BPNT1: variants seen among roughly 807,000 people sequenced by gnomAD.
BPNT1 encodes 3'(2'), 5'-bisphosphate nucleotidase 1, also known as 3'(2'),5'-bisphosphate nucleotidase 1.
Under a neutral mutation model 36.9 loss-of-function variants are expected in BPNT1, and 28 were observed. The ratio of observed to expected loss-of-function variants is 0.76; its 90% CI spans 0.56 to 1.04. BPNT1 has a LOEUF of 1.04. BPNT1 is among the 50% of genes least tolerant of loss of function. The pLI is 0.00. For synonymous variants in BPNT1, 119 were observed against 130.9 expected (o/e 0.91, Z 0.62); for missense variants, 313 against 372.9 (o/e 0.84, Z 1.32).
chr1:220,062,516 G>A (rs1190347226), intron 7 of BPNT1, among the ~76,000 whole-genome samples: 1 of 151,862 alleles, frequency 6.6e-6, no homozygotes, highest in Admixed American at 6.6e-5. Context: ...GTGTATATGT[G>A]CCACATTTTC....
intron 5 of BPNT1, among the ~76,000 whole-genome samples, chr1:220,068,392 C>T (rs1254681660): frequency 6.6e-6 from 1 of 151,632 alleles, no homozygotes; most frequent in African/African-American, 2.4e-5. Flanking sequence ...CCATGTTGGC[C>T]AGGCTGGTCT....
intron 1 of BPNT1, among the ~76,000 whole-genome samples, chr1:220,088,747 A>G (rs1655995838): frequency 6.7e-6 from 1 of 149,084 alleles, no homozygotes; most frequent in Non-Finnish European, 1.5e-5. Flanking sequence ...ACATAATGGC[A>G]CCACTGTACT....
At chr1:220,060,909 T>G (rs1460678381) in intron 7 of BPNT1, among the ~76,000 whole-genome samples, 1 of 152,110 alleles carries the variant, frequency 6.6e-6, no homozygotes, top group Non-Finnish European at 1.5e-5. Flanking sequence ...AGGATATAGG[T>G]GAATTTAAGT....
chr1:220,062,754 T>C lies in BPNT1; in HGVS notation c.672+3A>G. 6.2e-7 allele frequency: 1 copy of C among 1,614,112 alleles called. No homozygotes were observed. Among genetic ancestry groups the C allele is most frequent in the Non-Finnish European group, 8.5e-7 (1 of 1,179,920 alleles). On this transcript the variant is annotated splice_donor_region_variant and intron_variant, in intron 7 of 8. Coordinates refer to ENST00000322067, the MANE Select transcript of BPNT1 (RefSeq NM_006085.6). ...CAGAGCAGATGACAGACATTTTTCA[T>C]ACCTTATTTCCTGCTCCTCCTACTC...
intron 7 of BPNT1, among the ~76,000 whole-genome samples, chr1:220,062,346 A>C (rs1663123072): frequency 7.5e-6 from 1 of 132,674 alleles, no homozygotes; most frequent in African/African-American, 2.9e-5. Context: ...TCCTGTGTCC[A>C]TGTGTTCTCA....
chr1:220,059,115 A>T, intron 8 of BPNT1, 123 bp from the exon 9 acceptor site: 1 of 881,140 alleles, frequency 1.1e-6, no homozygotes, highest in Non-Finnish European at 1.7e-6. Context: ...GGATGAAATA[A>T]TGAGTGTCCA....
At chr1:220,078,413 TATAATAATAA>T (rs1664772631) in intron 2 of BPNT1, among the ~76,000 whole-genome samples, 1 of 142,478 alleles carries the variant, frequency 7.0e-6, no homozygotes, top group Non-Finnish European at 1.5e-5. Flanking sequence ...AATAATAATT[TATAATAATAA>T]ATAATAATTA....
chr1:220,074,051 C>G lies in BPNT1; in HGVS notation c.141G>C (p.Gln47His). Residue 47 changes from glutamine to histidine, a missense_variant, in exon 3 of 9, where the codon CAG becomes CAC. Physicochemically the swap from Gln to His is conservative, Grantham distance 24 (BLOSUM62 0). Transcript: ENST00000322067. ...IVEKTCATDLQTKADRLAQMS... is the reference protein window; with the variant it reads ...IVEKTCATDLHTKADRLAQMS... ...TCTGTGCCAATCGGTCAGCTTTGGT[C>G]TGCAGGTCTGTTGCACAGGTCTGTA... The G allele has an allele frequency of 6.2e-7, 1 of 1,613,892 alleles. No homozygotes were observed.
intron 2 of BPNT1, among the ~76,000 whole-genome samples, chr1:220,076,803 ATC>A (rs1340988405): frequency 6.6e-6 from 1 of 151,944 alleles, no homozygotes; most frequent in Non-Finnish European, 1.5e-5. Flanking sequence ...GTCAACTAAA[ATC>A]TCTTTTTCAA....
chr1:220,071,258 G>A (rs1664037603), intron 4 of BPNT1, among the ~76,000 whole-genome samples: 1 of 151,940 alleles, frequency 6.6e-6, no homozygotes, highest in South Asian at 2.1e-4. Context: ...ATTAAAAATT[G>A]GAAAACTAAA....
At chr1:220,080,835 TAGCC>T (rs1225711452) in intron 1 of BPNT1, among the ~76,000 whole-genome samples, 1 of 152,196 alleles carries the variant, frequency 6.6e-6, no homozygotes, top group Non-Finnish European at 1.5e-5. Flanking sequence ...TCTTCGTCAG[TAGCC>T]AGATAAAGAG....
At position 220,067,382 on chromosome 1, in the gene BPNT1, T is replaced by C. The variant is rs1663631523; in HGVS notation, c.394A>G (p.Asn132Asp). ...TKEYTEGLLDNVTVLIGIAYE... is the reference protein window; with the variant it reads ...TKEYTEGLLDDVTVLIGIAYE... ...GCAATTCCAATAAGAACTGTTACAT[T>C]GTCAAGAAGACCTGCAAAGAAGAAA... The change falls in exon 6 of 9, where the codon AAT becomes GAT. Residue 132 changes from asparagine (N) to aspartate (D), a missense_variant. By Grantham distance (23) the Asn-to-Asp change is conservative. Coordinates refer to ENST00000322067, the MANE Select transcript of BPNT1 (RefSeq NM_006085.6). 13 of 1,607,120 alleles carry C rather than the reference T, an allele frequency of 8.1e-6. No homozygotes were observed. The highest frequency in any genetic ancestry group is 1.3e-5 in the African/African-American group (1 of 74,690).
chr1:220,069,197 A>G (rs1173941802), intron 5 of BPNT1, among the ~76,000 whole-genome samples, 187 bp downstream of exon 5: 1 of 152,140 alleles, frequency 6.6e-6, no homozygotes, highest in African/African-American at 2.4e-5. Flanking sequence ...TTTGAAGGAG[A>G]TGAATTTTAT....
At chr1:220,070,437 C>G (rs1663958329) in intron 4 of BPNT1, among the ~76,000 whole-genome samples, 1 of 152,044 alleles carries the variant, frequency 6.6e-6, no homozygotes, top group African/African-American at 2.4e-5. Flanking sequence ...CCTCTGCCTC[C>G]CGGGTTCATG....
chr1:220,063,047 T>C, intron 6 of BPNT1, 93 bp from the exon 7 acceptor site: 2 of 1,400,380 alleles, frequency 1.4e-6, no homozygotes, highest in Non-Finnish European at 2.0e-6. Flanking sequence ...GCATCATGAT[T>C]TAAAAAATAA....
At chr1:220,086,330 G>A (rs892715233) in intron 1 of BPNT1, among the ~76,000 whole-genome samples, 4 of 152,152 alleles carry the variant, frequency 2.6e-5, no homozygotes, top group African/African-American at 9.7e-5. Context: ...AAGTGCGGTG[G>A]CCTGATATCG....
In BPNT1 at chr1:220,057,575, A is replaced by G. The variant is rs1662642033; in HGVS notation, c.*1269T>C. On this transcript the variant is annotated 3_prime_UTR_variant, in exon 9 of 9. Coordinates refer to ENST00000322067, the MANE Select transcript of BPNT1 (RefSeq NM_006085.6). ...ATTAGCAGAATAATTTTAATAGTTT[A>G]TGTTATAATCTCTCATTGGAAGGAA... The G allele has an allele frequency of 5.2e-6, 1 of 191,808 alleles. No individual in the cohort carries two copies. The highest frequency in any genetic ancestry group is 1.1e-5 in the Non-Finnish European group (1 of 90,600). 11.9% of individuals were successfully genotyped at this position (191,808 alleles called of 1,614,324 possible). A position where few individuals can be genotyped will look rare whatever the true frequency, so the allele number is the denominator to read the frequency against.
intron 2 of BPNT1, among the ~76,000 whole-genome samples, chr1:220,075,433 T>C (rs1664459904): frequency 6.6e-6 from 1 of 152,232 alleles, no homozygotes; most frequent in Non-Finnish European, 1.5e-5. Context: ...ATTTGCTGTA[T>C]ATCTCAATGC....
Position 220,082,081 on chromosome 1 carries a change from TATATAGAG to T in BPNT1, c.-8-2235_-8-2228del, listed in dbSNP as rs1177225298. Among the ~76,000 whole-genome samples the T allele has an allele frequency of 4.2e-3, 466 of 109,784 alleles. 1 individual carries two copies. Among genetic ancestry groups the T allele is most frequent in the Admixed American group, 7.0e-3 (71 of 10,146 alleles). 72.0% of individuals were successfully genotyped at this position (109,784 alleles called of 152,430 possible). ...CAAGGACAATATATATATATATATA[TATATAGAG>T]AGAGAGAGAGAGAGAGAGAGAGAGA... On this transcript the variant is annotated intron_variant, in intron 1 of 8. Coordinates refer to ENST00000322067, the MANE Select transcript of BPNT1 (RefSeq NM_006085.6).
Sources: allele counts gnomAD v4.1 joint callset (sites outside exome capture counted in the v4.1 genomes callset), GRCh38; gene constraint gnomAD v4.1.1; transcripts MANE v1.5; gene names NCBI Gene and HGNC (gene_info 2026-07-23, HGNC 2026-07-21).